Variants in ABCA13 observed in about 807,000 individuals in gnomAD.
The protein encoded by ABCA13 is ATP-binding cassette sub-family A member 13.
Under a neutral mutation model 478.7 loss-of-function variants are expected in ABCA13, and 476 were observed. The observed-to-expected ratio is 0.99, with a 90% confidence interval of 0.92 to 1.07. ABCA13 has a LOEUF of 1.07. Ranked by LOEUF, ABCA13 falls within the 50% of genes least tolerant of loss-of-function variation. The pLI, the probability that ABCA13 is intolerant of heterozygous loss-of-function variation, is 0.00. For missense variants in ABCA13, 6,060 were observed against 5,910.6 expected (o/e 1.03, Z -0.83); for synonymous variants, 2,252 against 2,158.9 (o/e 1.04, Z -1.20).
chr7:48,255,405 C>T (rs1185812781), intron 15 of ABCA13, among the ~76,000 whole-genome samples: 1 of 152,170 alleles, frequency 6.6e-6, no homozygotes, highest in Non-Finnish European at 1.5e-5. Flanking sequence ...ATGATCCCAT[C>T]ACCCAGGTAG....
Position 48,272,186 on chromosome 7 carries a change from T to C in ABCA13, c.2520T>C (p.Tyr840=). ...INPKLLELWA[Y]GISKGKRAKL... Reference sequence around the variant, plus strand: ...CCAAATTACTAGAATTATGGGCCTATGGCATTTCAAAAGGAAAAAGAGCTA... The same window carrying C: ...CCAAATTACTAGAATTATGGGCCTACGGCATTTCAAAAGGAAAAAGAGCTA... The change falls in exon 17 of 62, where the codon TAT becomes TAC. Residue 840 remains tyrosine, a synonymous_variant. Transcript: ENST00000435803. The C allele has an allele frequency of 1.9e-6, 3 of 1,612,164 alleles. No homozygotes were observed. The highest frequency in any genetic ancestry group is 2.5e-6 in the Non-Finnish European group (3 of 1,179,240).
intron 32 of ABCA13, among the ~76,000 whole-genome samples, chr7:48,368,878 A>G (rs2129018738): frequency 6.6e-6 from 1 of 151,940 alleles, no homozygotes; most frequent in African/African-American, 2.4e-5. Flanking sequence ...GTGCTGCTAT[A>G]AACATATGTG....
chr7:48,573,737 GCAA>G lies in ABCA13; in HGVS notation c.14355-6477_14355-6475del, dbSNP rs1585853287. On this transcript the variant is annotated intron_variant, in intron 55 of 61. Transcript: ENST00000435803. ...CTACAGAGTGAGACTCCATCTCAAAGCAACAACAACAAGAACAACAACAGAACA... is the reference window on the plus strand; with the variant it reads ...CTACAGAGTGAGACTCCATCTCAAAGCAACAACAAGAACAACAACAGAACA... Among the ~76,000 whole-genome samples, 3 of 152,058 alleles carry G rather than the reference GCAA, an allele frequency of 2.0e-5. No homozygotes were observed. The South Asian group carries it at 6.2e-4, about 32-fold the overall frequency.
rs75246889 is a variant in ABCA13, at chr7:48,617,902, G to A, written c.14837+2525G>A. Among the ~76,000 whole-genome samples, 1,048 of 152,186 alleles carry A rather than the reference G, an allele frequency of 6.9e-3. 14 individuals carry two copies. The highest frequency in any genetic ancestry group is 0.024 in the African/African-American group (978 of 41,526). ...AAATGAGGAGCCACAGAAATATAGAGGGAAGAATGTCCGTGGCAAGTAGGG... is the reference window on the plus strand; with the variant it reads ...AAATGAGGAGCCACAGAAATATAGAAGGAAGAATGTCCGTGGCAAGTAGGG... On this transcript the variant is annotated intron_variant, in intron 59 of 61. Transcript: ENST00000435803.
rs546310267 is a variant in ABCA13 at position 48,262,319 on chromosome 7, G to C, written c.2006-6661G>C. ...GCCTGGCTGGGGTGATGGAGAGAGT[G>C]TGTTAGAATTCATTCTTGCTCAAAA... is the stretch of plus-strand genomic sequence containing the variant. On this transcript the variant is annotated intron_variant, in intron 15 of 61. Transcript: ENST00000435803. Among the ~76,000 whole-genome samples, 4 of 151,898 alleles carry C rather than the reference G, an allele frequency of 2.6e-5. No homozygotes were observed. In the East Asian group the frequency reaches 5.8e-4, roughly 22 times the overall value.
chr7:48,387,706 A>T, intron 35 of ABCA13, 116 bp from the exon 36 acceptor site: 1 of 908,352 alleles, frequency 1.1e-6, no homozygotes, highest in East Asian at 2.7e-5. Context: ...TATATGGGAC[A>T]TATATTAAAA....
intron 38 of ABCA13, among the ~76,000 whole-genome samples, chr7:48,400,040 T>C (rs1039033201): frequency 4.3e-5 from 6 of 138,782 alleles, no homozygotes; most frequent in Non-Finnish European, 7.8e-5. Flanking sequence ...GCAAGTGCTT[T>C]CCTCTTTTTT....
intron 56 of ABCA13, among the ~76,000 whole-genome samples, chr7:48,583,910 C>T (rs1727889711): frequency 1.3e-5 from 2 of 152,162 alleles, no homozygotes; most frequent in African/African-American, 4.8e-5. Flanking sequence ...TACATTTGTT[C>T]CTGTATACTC....
At chr7:48,545,078 G>T (rs144166207) in intron 55 of ABCA13, among the ~76,000 whole-genome samples, 25 of 151,906 alleles carry the variant, frequency 1.6e-4, no homozygotes, top group African/African-American at 6.0e-4. Context: ...CAGAGTAATT[G>T]CTTGTGTTGC....
intron 55 of ABCA13, among the ~76,000 whole-genome samples, chr7:48,555,286 A>G (rs1039723976): frequency 2.0e-5 from 3 of 151,744 alleles, no homozygotes; most frequent in African/African-American, 4.8e-5. Flanking sequence ...ATATTGGCAC[A>G]TAGTTTTCTT....
At chr7:48,257,357 G>C (rs1172277232) in intron 15 of ABCA13, among the ~76,000 whole-genome samples, 1 of 152,086 alleles carries the variant, frequency 6.6e-6, no homozygotes, top group Non-Finnish European at 1.5e-5. Flanking sequence ...AGTGGTGAGA[G>C]TGGTCATCCT....
intron 9 of ABCA13, 83 bp from the exon 10 acceptor site, chr7:48,240,784 G>A (rs1790710027): frequency 1.8e-6 from 2 of 1,129,712 alleles, no homozygotes; most frequent in Non-Finnish European, 2.4e-6. Context: ...CATCTAGAGT[G>A]GTATGTTAAT....
At chr7:48,361,879 T>C (rs1465128289) in intron 31 of ABCA13, among the ~76,000 whole-genome samples, 4 of 151,956 alleles carry the variant, frequency 2.6e-5, no homozygotes, top group Admixed American at 2.6e-4. Context: ...AGCTTACTTG[T>C]AATAAGAAAC....
chr7:48,635,867 A>G (rs1000709570), intron 59 of ABCA13, among the ~76,000 whole-genome samples: 13 of 152,232 alleles, frequency 8.5e-5, no homozygotes, highest in Admixed American at 7.2e-4. Context: ...ATCTTGCTGT[A>G]TACAGAAAAA....
chr7:48,421,616 A>G (rs557537036), intron 41 of ABCA13, among the ~76,000 whole-genome samples: 7 of 152,290 alleles, frequency 4.6e-5, no homozygotes, highest in South Asian at 4.1e-4. Context: ...TAGGATTGCC[A>G]TTCTTTCCCA....
At chr7:48,339,345 A>AT (rs1806758807) in intron 29 of ABCA13, among the ~76,000 whole-genome samples, 2 of 152,194 alleles carry the variant, frequency 1.3e-5, no homozygotes, top group South Asian at 2.1e-4. Context: ...GCATTACATA[A>AT]TTTTTTCAAT....
intron 27 of ABCA13, among the ~76,000 whole-genome samples, chr7:48,331,662 C>T (rs985827477): frequency 2.6e-5 from 4 of 152,146 alleles, no homozygotes; most frequent in Non-Finnish European, 4.4e-5. Context: ...CTAATGGTAA[C>T]ATCTCATGAC....
At chr7:48,596,873 G>A (rs945396661) in intron 58 of ABCA13, among the ~76,000 whole-genome samples, 3 of 152,052 alleles carry the variant, frequency 2.0e-5, no homozygotes, top group Non-Finnish European at 2.9e-5. Context: ...TTCTGCCTCT[G>A]TAAATTTGCT....
intron 41 of ABCA13, among the ~76,000 whole-genome samples, chr7:48,415,848 A>T (rs990989399): frequency 3.3e-5 from 5 of 152,202 alleles, no homozygotes; most frequent in Non-Finnish European, 7.3e-5. Flanking sequence ...TCCAGGTAAA[A>T]CATACATTTA....
Sources: allele counts gnomAD v4.1 joint callset (sites outside exome capture counted in the v4.1 genomes callset), GRCh38; gene constraint gnomAD v4.1.1; transcripts MANE v1.5; gene names NCBI Gene and HGNC (gene_info 2026-07-23, HGNC 2026-07-21).